The following ZNF618 variants were observed in gnomAD, a reference collection of about 807,000 sequenced individuals.
ZNF618 encodes neural precursor cell expressed, developmentally down-regulated 10.
Under a neutral mutation model 103.0 loss-of-function variants are expected in ZNF618, and 34 were observed. The ratio of observed to expected loss-of-function variants is 0.33; its 90% CI spans 0.25 to 0.44. The LOEUF (loss-of-function observed/expected upper bound fraction) is 0.44. ZNF618 is among the 20% of genes least tolerant of loss of function. The pLI, the probability that ZNF618 is intolerant of heterozygous loss-of-function variation, is 1.00. For synonymous variants in ZNF618, 551 were observed against 542.2 expected (o/e 1.02, Z -0.23); for missense variants, 1,059 against 1,295.4 (o/e 0.82, Z 2.80).
intron 13 of ZNF618, among the ~76,000 whole-genome samples, chr9:114,039,223 A>G (rs1452302514): frequency 1.3e-5 from 2 of 152,196 alleles, no homozygotes; most frequent in African/African-American, 4.8e-5. Context: ...AAGTACAGCC[A>G]GGAGGACCGC....
At position 114,050,479 on chromosome 9, in the gene ZNF618, C is replaced by A; in HGVS notation, c.*312C>A. ...ACACACACACACACACACACACGAC[C>A]CTGGTGCGTGTACATACGCCTGTGC... is the stretch of plus-strand genomic sequence containing the variant. On this transcript the variant is annotated 3_prime_UTR_variant, in exon 15 of 15. Coordinates refer to ENST00000374126, the MANE Select transcript of ZNF618 (RefSeq NM_001318042.2). The A allele has an allele frequency of 7.7e-6, 2 of 258,404 alleles. No individual in the cohort carries two copies. The highest frequency in any genetic ancestry group is 1.5e-5 in the Non-Finnish European group (2 of 137,356). 16.0% of individuals were successfully genotyped at this position (258,404 alleles called of 1,614,324 possible). A position where few individuals can be genotyped will look rare whatever the true frequency, so the allele number is the denominator to read the frequency against.
rs147007253 is a variant in ZNF618 at position 114,049,675 on chromosome 9, G to A, written c.2373G>A (p.Ala791=). The change falls in exon 15 of 15, where the codon GCG becomes GCA. Residue 791 remains alanine, a synonymous_variant. Transcript: ENST00000374126. ...VSKLCHLFLE[A]LKENFKVHPA... ...AGCTCTGCCACCTCTTCCTGGAGGC[G>A]CTCAAGGAGAACTTCAAGGTGCACC... is the stretch of plus-strand genomic sequence containing the variant. 2.4e-5 allele frequency: 39 copies of A among 1,613,800 alleles called. No individual in the cohort carries two copies. In the East Asian group the frequency reaches 6.2e-4, roughly 26 times the overall value.
intron 2 of ZNF618, among the ~76,000 whole-genome samples, chr9:113,986,518 G>T (rs1839496226): frequency 6.6e-6 from 1 of 152,206 alleles, no homozygotes; most frequent in South Asian, 2.1e-4. Flanking sequence ...TTCTGGTGAG[G>T]GCTGCCTCCT....
intron 9 of ZNF618, among the ~76,000 whole-genome samples, chr9:114,015,750 T>C (rs1842594698): frequency 6.6e-6 from 1 of 152,226 alleles, no homozygotes; most frequent in Non-Finnish European, 1.5e-5. Flanking sequence ...TCAATGTCCC[T>C]TGGTGTAGGG....
intron 1 of ZNF618, among the ~76,000 whole-genome samples, chr9:113,881,783 GTGA>G (rs1346122514): frequency 6.6e-6 from 1 of 152,244 alleles, no homozygotes; most frequent in Non-Finnish European, 1.5e-5. Flanking sequence ...TCAGCCTGTA[GTGA>G]TGATGAGTTC....
intron 9 of ZNF618, among the ~76,000 whole-genome samples, chr9:114,010,368 C>T (rs529941381): frequency 2.9e-4 from 43 of 150,752 alleles, no homozygotes; most frequent in African/African-American, 9.0e-4. Context: ...AGAAGTTAGA[C>T]GGTACAGGGG....
At chr9:114,015,963 C>A in intron 9 of ZNF618, 1 of 680,098 alleles carries the variant, frequency 1.5e-6, no homozygotes, top group East Asian at 2.7e-5. Context: ...AAGCGCACCC[C>A]AGATGAGACA....
chr9:113,978,457 G>A (rs911892198), intron 2 of ZNF618, among the ~76,000 whole-genome samples: 4 of 152,206 alleles, frequency 2.6e-5, no homozygotes. Flanking sequence ...GAGCCCAGGC[G>A]CCTTTCTCTG....
chr9:113,917,749 A>G (rs1447403192), intron 1 of ZNF618, among the ~76,000 whole-genome samples: 1 of 152,150 alleles, frequency 6.6e-6, no homozygotes, highest in Non-Finnish European at 1.5e-5. Flanking sequence ...AGGGCTTAAC[A>G]CATTTTTTAA....
intron 1 of ZNF618, among the ~76,000 whole-genome samples, chr9:113,953,903 C>T (rs1389476717): frequency 6.6e-6 from 1 of 152,050 alleles, no homozygotes; most frequent in Admixed American, 6.6e-5. Context: ...GCCAGTTGAT[C>T]AATATCTTTT....
At position 114,049,761 on chromosome 9, in the gene ZNF618, A is replaced by G. The variant is rs1453377834; in HGVS notation, c.2459A>G (p.Tyr820Cys). 1 of 1,613,962 alleles carries G rather than the reference A, an allele frequency of 6.2e-7. No individual in the cohort carries two copies. Residue 820 changes from tyrosine (Y) to cysteine (C), a missense_variant, in exon 15 of 15, where the codon TAC (tyrosine) becomes TGC (cysteine). Coordinates refer to ENST00000374126, the MANE Select transcript of ZNF618 (RefSeq NM_001318042.2). ...PQQKLRPVPP[Y>C]QHEEIIGKVC... ...CAGAAGCTGCGGCCTGTGCCACCCT[A>G]CCAGCACGAGGAGATCATCGGCAAG...
At chr9:113,889,466 C>A (rs530629719) in intron 1 of ZNF618, among the ~76,000 whole-genome samples, 2 of 152,302 alleles carry the variant, frequency 1.3e-5, no homozygotes, top group Admixed American at 6.5e-5. Context: ...TAGCACTAAG[C>A]AGCTGCAGCC....
intron 10 of ZNF618, 134 bp downstream of exon 10, chr9:114,016,918 G>A: frequency 1.5e-6 from 1 of 670,744 alleles, no homozygotes; most frequent in South Asian, 1.9e-5. Context: ...CAGTCTTTAG[G>A]TATTATGTCT....
intron 3 of ZNF618, among the ~76,000 whole-genome samples, chr9:113,990,363 C>T (rs1839921936): frequency 6.6e-6 from 1 of 152,180 alleles, no homozygotes; most frequent in Non-Finnish European, 1.5e-5. Context: ...TCTCCATGTT[C>T]CCTGCTTCCA....
Position 114,049,953 on chromosome 9 carries a change from A to G in ZNF618, c.2651A>G (p.Gln884Arg), listed in dbSNP as rs1846001062. ...VYDYLQEPLF[Q>R]ATPDLFQYWS... ...GATTACCTGCAGGAGCCCCTCTTCC[A>G]GGCTACCCCTGATCTCTTCCAGTAC... is the stretch of plus-strand genomic sequence containing the variant. Residue 884 changes from glutamine (Q) to arginine (R), a missense_variant, in exon 15 of 15, where the codon CAG becomes CGG. Transcript: ENST00000374126. The G allele has an allele frequency of 3.1e-6, 5 of 1,613,838 alleles. No individual in the cohort carries two copies. Among genetic ancestry groups the G allele is most frequent in the Admixed American group, 1.7e-5 (1 of 60,006 alleles).
chr9:114,033,778 T>G (rs1229595604), intron 12 of ZNF618, among the ~76,000 whole-genome samples: 1 of 152,186 alleles, frequency 6.6e-6, no homozygotes, highest in Non-Finnish European at 1.5e-5. Context: ...ACCCACTCAC[T>G]TTCTTGCATG....
At chr9:113,960,125 C>T (rs771342234) in intron 1 of ZNF618, among the ~76,000 whole-genome samples, 1 of 152,224 alleles carries the variant, frequency 6.6e-6, no homozygotes, top group South Asian at 2.1e-4. Flanking sequence ...TATGTGCCGG[C>T]GTCTTGCTGG....
intron 1 of ZNF618, among the ~76,000 whole-genome samples, chr9:113,917,076 A>G (rs1459074574): frequency 6.6e-6 from 1 of 152,094 alleles, no homozygotes; most frequent in Non-Finnish European, 1.5e-5. Context: ...ATATTGCCAC[A>G]GTTCAGTCTG....
chr9:113,961,208 C>T (rs1544102), intron 1 of ZNF618, among the ~76,000 whole-genome samples: 91,902 of 152,042 alleles, frequency 0.6, 27,959 homozygotes, highest in East Asian at 0.69. Context: ...AAGATGCTGA[C>T]GGAACCCAGA....
Sources: allele counts gnomAD v4.1 joint callset (sites outside exome capture counted in the v4.1 genomes callset), GRCh38; gene constraint gnomAD v4.1.1; transcripts MANE v1.5; gene names NCBI Gene and HGNC (gene_info 2026-07-23, HGNC 2026-07-21).